CADPS2: variants seen among roughly 807,000 people sequenced by gnomAD.
CADPS2 encodes the protein calcium dependent secretion activator 2.
In CADPS2, 93 loss-of-function variants were observed where a neutral mutation model predicts 172.5. The ratio of observed to expected loss-of-function variants is 0.54; its 90% CI spans 0.46 to 0.64. The LOEUF (loss-of-function observed/expected upper bound fraction) is 0.64, where lower values mean the gene tolerates loss of function less well. Ranked by LOEUF, CADPS2 falls within the 30% of genes least tolerant of loss-of-function variation. The pLI is 0.00. For missense variants in CADPS2, 1,420 were observed against 1,565.9 expected (o/e 0.91, Z 1.57); for synonymous variants, 546 against 555.2 (o/e 0.98, Z 0.23).
intron 28 of CADPS2, among the ~76,000 whole-genome samples, chr7:122,332,619 A>C (rs2035165291): frequency 6.6e-6 from 1 of 152,178 alleles, no homozygotes; most frequent in Non-Finnish European, 1.5e-5. Context: ...GAATGCTGAA[A>C]AACTTTCCTA....
intron 2 of CADPS2, among the ~76,000 whole-genome samples, chr7:122,721,892 C>A (rs145439395): frequency 6.6e-6 from 1 of 152,006 alleles, no homozygotes; most frequent in Admixed American, 6.6e-5. Flanking sequence ...TCAATATACG[C>A]GAATCAATAA....
At chr7:122,427,275 T>C (rs2049290985) in intron 17 of CADPS2, 1 of 152,186 alleles carries the variant, frequency 6.6e-6, no homozygotes, top group Non-Finnish European at 1.5e-5. Flanking sequence ...TGAACTGTTA[T>C]CTAAGTGTTT....
chr7:122,842,122 G>A (rs1368874770), intron 1 of CADPS2, among the ~76,000 whole-genome samples: 2 of 152,160 alleles, frequency 1.3e-5, no homozygotes, highest in East Asian at 3.9e-4. Context: ...TGGGGAGCAT[G>A]AGCTTTGGCT....
intron 24 of CADPS2, among the ~76,000 whole-genome samples, chr7:122,380,606 A>G (rs552725348): frequency 1.3e-5 from 2 of 152,254 alleles, no homozygotes; most frequent in African/African-American, 4.8e-5. Context: ...GGTTATCATA[A>G]ACCTGCATAA....
chr7:122,867,144 AAAAT>A (rs1035059511), intron 1 of CADPS2, among the ~76,000 whole-genome samples: 10 of 152,232 alleles, frequency 6.6e-5, no homozygotes, highest in African/African-American at 2.4e-4. Context: ...CACCCTATCT[AAAAT>A]AACCACTGAC....
intron 3 of CADPS2, among the ~76,000 whole-genome samples, chr7:122,647,678 T>A (rs1390058421): frequency 6.6e-6 from 1 of 152,180 alleles, no homozygotes; most frequent in East Asian, 1.9e-4. Flanking sequence ...ATAAAACGCA[T>A]TAAATATCAC....
intron 1 of CADPS2, among the ~76,000 whole-genome samples, chr7:122,760,219 G>A (rs1393496215): frequency 6.6e-6 from 1 of 151,698 alleles, no homozygotes; most frequent in Non-Finnish European, 1.5e-5. Flanking sequence ...GCTAAGCAAA[G>A]AAGTCATCAG....
intron 8 of CADPS2, among the ~76,000 whole-genome samples, chr7:122,536,723 A>G (rs892651438): frequency 6.6e-6 from 1 of 152,080 alleles, no homozygotes; most frequent in Non-Finnish European, 1.5e-5. Context: ...GGATTCTTTT[A>G]GCAGTTGAGT....
chr7:122,563,339 A>G (rs2065990320), intron 7 of CADPS2, among the ~76,000 whole-genome samples: 1 of 152,076 alleles, frequency 6.6e-6, no homozygotes, highest in African/African-American at 2.4e-5. Context: ...TTTTCTTTTT[A>G]CTAGTCTGAT....
At chr7:122,401,989 A>C (rs1455527487) in intron 20 of CADPS2, among the ~76,000 whole-genome samples, 1 of 152,120 alleles carries the variant, frequency 6.6e-6, no homozygotes, top group Non-Finnish European at 1.5e-5. Context: ...TTCCCTAATC[A>C]TGGCTAACTG....
intron 2 of CADPS2, among the ~76,000 whole-genome samples, chr7:122,703,355 C>T (rs191326240): frequency 6.8e-4 from 103 of 152,108 alleles, no homozygotes; most frequent in Non-Finnish European, 1.2e-3. Flanking sequence ...TCAACACTAC[C>T]GAATATGGCA....
At chr7:122,668,402 T>TAAAAAAAAAAA (rs34006020) in intron 2 of CADPS2, among the ~76,000 whole-genome samples, 1 of 138,196 alleles carries the variant, frequency 7.2e-6, no homozygotes, top group Non-Finnish European at 1.6e-5. Flanking sequence ...AAAGTATGGT[T>TAAAAAAAAAAA]AAAAAAAAAA....
At chr7:122,816,885 C>A (rs1801582743) in intron 1 of CADPS2, among the ~76,000 whole-genome samples, 1 of 151,714 alleles carries the variant, frequency 6.6e-6, no homozygotes, top group African/African-American at 2.4e-5. Context: ...GTGTAAATGG[C>A]CGATCCTTGC....
intron 2 of CADPS2, among the ~76,000 whole-genome samples, chr7:122,689,929 T>C (rs1588441875): frequency 6.6e-6 from 1 of 152,034 alleles, no homozygotes; most frequent in South Asian, 2.1e-4. Flanking sequence ...TTGCCATGGG[T>C]TTTGTGACGC....
intron 2 of CADPS2, among the ~76,000 whole-genome samples, chr7:122,690,852 T>C (rs1291410594): frequency 2.0e-5 from 3 of 152,178 alleles, no homozygotes; most frequent in African/African-American, 4.8e-5. Context: ...TCAAACCATA[T>C]AGTGTCAGTA....
intron 27 of CADPS2, among the ~76,000 whole-genome samples, 157 bp downstream of exon 27, chr7:122,360,631 T>C (rs933338196): frequency 2.6e-5 from 4 of 152,226 alleles, no homozygotes; most frequent in Non-Finnish European, 5.9e-5. Context: ...ATAACCTTGC[T>C]ATGTCTTGTT....
chr7:122,818,314 C>A (rs545793199), intron 1 of CADPS2, among the ~76,000 whole-genome samples: 1 of 152,118 alleles, frequency 6.6e-6, no homozygotes, highest in Non-Finnish European at 1.5e-5. Context: ...AATACAAACT[C>A]GACAGTAGTT....
intron 29 of CADPS2, among the ~76,000 whole-genome samples, chr7:122,322,264 T>C (rs1447300483): frequency 6.6e-6 from 1 of 152,248 alleles, no homozygotes; most frequent in Non-Finnish European, 1.5e-5. Context: ...TGACTTTCCT[T>C]TGACTTAGCT....
chr7:122,544,596 A>G (rs2063436393), intron 8 of CADPS2, among the ~76,000 whole-genome samples: 3 of 152,188 alleles, frequency 2.0e-5, no homozygotes, highest in African/African-American at 7.2e-5. Flanking sequence ...CCTGAAACCC[A>G]GGTCAGCACA....
Sources: allele counts gnomAD v4.1 joint callset (sites outside exome capture counted in the v4.1 genomes callset), GRCh38; gene constraint gnomAD v4.1.1; transcripts MANE v1.5; gene names NCBI Gene and HGNC (gene_info 2026-07-23, HGNC 2026-07-21).